SEC24B: variants seen among roughly 807,000 people sequenced by gnomAD.
The protein encoded by SEC24B is protein transport protein Sec24B.
In SEC24B, 45 loss-of-function variants were observed where a neutral mutation model predicts 142.8. That is an observed-to-expected ratio of 0.32 (90% CI 0.25 to 0.40). SEC24B has a LOEUF of 0.40. SEC24B is among the 10% of genes least tolerant of loss of function. The probability of loss-of-function intolerance (pLI) is 1.00; values close to 1 mark genes in which losing one functional copy is unlikely to be tolerated. For missense variants in SEC24B, 1,409 were observed against 1,526.8 expected, an observed-to-expected ratio of 0.92 and a Z score of 1.29; for synonymous variants, 574 against 568.2, an observed-to-expected ratio of 1.01 and a Z score of -0.15.
At chr4:109,443,403 A>G (rs879645727) in intron 1 of SEC24B, among the ~76,000 whole-genome samples, 2 of 152,100 alleles carry the variant, frequency 1.3e-5, no homozygotes, top group Admixed American at 1.3e-4. Flanking sequence ...TAATCCTAAC[A>G]GTTATATATA....
At chr4:109,468,377 T>A (rs953786805) in intron 2 of SEC24B, among the ~76,000 whole-genome samples, 1 of 152,224 alleles carries the variant, frequency 6.6e-6, no homozygotes, top group East Asian at 1.9e-4. Context: ...AGACGAGATG[T>A]TCATCTTTGT....
intron 19 of SEC24B, among the ~76,000 whole-genome samples, chr4:109,530,764 C>G (rs1422847391): frequency 2.0e-5 from 3 of 151,874 alleles, no homozygotes; most frequent in African/African-American, 7.3e-5. Context: ...TAGCTGGTGG[C>G]ACGCGCCTGT....
In SEC24B at chr4:109,531,371, C is replaced by T; in HGVS notation, c.3253-14C>T. 1 of 1,592,096 alleles carries T rather than the reference C, an allele frequency of 6.3e-7. No homozygotes were observed. The highest frequency in any genetic ancestry group is 8.6e-7 in the Non-Finnish European group (1 of 1,167,026). On this transcript the variant is annotated splice_polypyrimidine_tract_variant and intron_variant, in intron 19 of 23. Coordinates refer to ENST00000265175, the MANE Select transcript of SEC24B (RefSeq NM_006323.5). ...TTGTATTTTACTTGAAAACGTTTATCTTTTTCCTTGTAGAAAGCATTTAGA... is the reference window on the plus strand; with the variant it reads ...TTGTATTTTACTTGAAAACGTTTATTTTTTTCCTTGTAGAAAGCATTTAGA...
intron 22 of SEC24B, among the ~76,000 whole-genome samples, chr4:109,536,096 G>C (rs1319887961): frequency 6.6e-6 from 1 of 151,862 alleles, no homozygotes; most frequent in Non-Finnish European, 1.5e-5. Flanking sequence ...TTAAATGACA[G>C]ATAATCCAAG....
intron 13 of SEC24B, 44 bp downstream of exon 13, chr4:109,521,216 G>T: frequency 1.6e-6 from 2 of 1,215,254 alleles, no homozygotes; most frequent in Middle Eastern, 3.9e-4. Context: ...TATTTATATT[G>T]TGACTGGTAA....
intron 1 of SEC24B, among the ~76,000 whole-genome samples, chr4:109,461,579 G>T (rs1229963325): frequency 1.3e-5 from 2 of 152,120 alleles, no homozygotes; most frequent in Admixed American, 6.5e-5. Context: ...GCAAGTTGCG[G>T]AACTGTAATA....
At chr4:109,474,127 C>T (rs1185805402) in intron 3 of SEC24B, among the ~76,000 whole-genome samples, 1 of 152,160 alleles carries the variant, frequency 6.6e-6, no homozygotes, top group Non-Finnish European at 1.5e-5. Context: ...CATTTTCTTA[C>T]TTGGTTTTTT....
intron 1 of SEC24B, among the ~76,000 whole-genome samples, chr4:109,462,127 A>G (rs1026904857): frequency 6.6e-6 from 1 of 152,088 alleles, no homozygotes; most frequent in Non-Finnish European, 1.5e-5. Flanking sequence ...GCCCAGGAGA[A>G]CAAGGCTGTA....
At chr4:109,530,711 G>A (rs1382840560) in intron 19 of SEC24B, among the ~76,000 whole-genome samples, 1 of 151,706 alleles carries the variant, frequency 6.6e-6, no homozygotes, top group Non-Finnish European at 1.5e-5. Context: ...CAACCAGCCT[G>A]GCCAACATAG....
chr4:109,537,304 A>G (rs969571852), intron 22 of SEC24B, among the ~76,000 whole-genome samples: 2 of 152,244 alleles, frequency 1.3e-5, no homozygotes, highest in African/African-American at 2.4e-5. Context: ...ACTGGAATAT[A>G]TAGTACTTAT....
chr4:109,475,195 T>C (rs1169589144), intron 3 of SEC24B, among the ~76,000 whole-genome samples: 2 of 152,204 alleles, frequency 1.3e-5, no homozygotes. Flanking sequence ...GACATCTGAA[T>C]TGTAGTTTTT....
chr4:109,458,154 A>G (rs931823775), intron 1 of SEC24B, among the ~76,000 whole-genome samples: 6 of 152,122 alleles, frequency 3.9e-5, no homozygotes, highest in Non-Finnish European at 1.5e-5. Context: ...AGGTTGGTCA[A>G]CTTAATCAAG....
At chr4:109,455,203 C>A (rs981538218) in intron 1 of SEC24B, among the ~76,000 whole-genome samples, 1 of 152,006 alleles carries the variant, frequency 6.6e-6, no homozygotes, top group Non-Finnish European at 1.5e-5. Flanking sequence ...AGATTCCCTT[C>A]AAAAATCCAT....
At chr4:109,519,219 C>T (rs1372278105) in intron 11 of SEC24B, among the ~76,000 whole-genome samples, 1 of 152,094 alleles carries the variant, frequency 6.6e-6, no homozygotes, top group African/African-American at 2.4e-5. Context: ...CGTCACTGTG[C>T]TCCAGAAATC....
At chr4:109,471,342 G>A (rs905071268) in intron 2 of SEC24B, among the ~76,000 whole-genome samples, 1 of 151,822 alleles carries the variant, frequency 6.6e-6, no homozygotes, top group African/African-American at 2.4e-5. Flanking sequence ...ATAGGGTTTT[G>A]CCGTGTTGCC....
intron 7 of SEC24B, among the ~76,000 whole-genome samples, chr4:109,509,207 A>G (rs1737042679): frequency 1.3e-5 from 2 of 152,198 alleles, no homozygotes; most frequent in Admixed American, 1.3e-4. Flanking sequence ...GAGGTCCTGA[A>G]GCAGGAACAA....
intron 7 of SEC24B, among the ~76,000 whole-genome samples, chr4:109,508,262 C>T (rs1483276109): frequency 6.6e-6 from 1 of 152,066 alleles, no homozygotes; most frequent in Non-Finnish European, 1.5e-5. Flanking sequence ...GTACCCCCTA[C>T]GTAGGTAAAT....
chr4:109,535,514 C>T (rs1725426262), intron 22 of SEC24B, among the ~76,000 whole-genome samples: 2 of 151,478 alleles, frequency 1.3e-5, no homozygotes, highest in South Asian at 4.2e-4. Context: ...CAAGATTGCG[C>T]CACTGCACTC....
Position 109,463,491 on chromosome 4 carries a change from C to A in SEC24B, c.724C>A (p.Pro242Thr), listed in dbSNP as rs1441348859. ...TAISHPSPLP[P>T]LPSQQHHQQQ... ...TATCAGCCATCCATCGCCACTTCCACCTCTACCATCACAACAGCACCACCA... is the reference window on the plus strand; with the variant it reads ...TATCAGCCATCCATCGCCACTTCCAACTCTACCATCACAACAGCACCACCA... Residue 242 changes from proline (P) to threonine (T), a missense_variant, in exon 2 of 24, where the codon CCT becomes ACT. This residue lies in a region of SEC24B where 709 missense variants were observed against 673.5 expected (regional missense o/e 1.05). Transcript: ENST00000265175. 2 of 1,614,044 alleles carry A rather than the reference C, an allele frequency of 1.2e-6. No homozygotes were observed. The highest frequency in any genetic ancestry group is 1.7e-6 in the Non-Finnish European group (2 of 1,180,032).
Sources: gnomAD v4.1 joint callset for allele counts (sites outside exome capture counted in the v4.1 genomes callset) on GRCh38, gnomAD v4.1.1 for gene constraint, gnomAD v4.1.1 regional missense constraint, MANE v1.5 for transcripts, NCBI Gene and HGNC (gene_info 2026-07-23, HGNC 2026-07-21) for gene names.